Variants in DPYD observed in about 807,000 individuals in gnomAD.
DPYD encodes dihydropyrimidine dehydrogenase.
A neutral mutation model predicts 116.2 loss-of-function variants in DPYD; 109 were observed. The observed-to-expected ratio is 0.94, with a 90% CI of 0.80 to 1.10. The LOEUF (loss-of-function observed/expected upper bound fraction) is 1.10. Among genes scored for constraint, DPYD ranks in the 50% least tolerant of loss-of-function variants. The pLI is 0.00. For synonymous variants in DPYD, 440 were observed against 432.0 expected (o/e 1.02, Z -0.23); for missense variants, 1,302 against 1,254.5 (o/e 1.04, Z -0.57).
rs200458601 is a variant in DPYD, at chr1:97,455,926, T to TC, written c.1741-5704dup. The stretch of plus-strand genomic sequence containing the variant: ...AGTGACAGAATTTGCCCTTTTGTCA[T>TC]CAGGAACTTCAGACCTATCTACATG... On this transcript the variant is annotated intron_variant, in intron 13 of 22. Coordinates refer to ENST00000370192, the MANE Select transcript of DPYD (RefSeq NM_000110.4). 4.3e-3 allele frequency among the ~76,000 whole-genome samples: 648 copies of TC among 152,024 alleles called. 7 individuals are homozygous for TC. The highest frequency in any genetic ancestry group is 0.015 in the African/African-American group (631 of 41,528).
intron 7 of DPYD, among the ~76,000 whole-genome samples, chr1:97,689,462 T>C (rs534970424): frequency 1.3e-5 from 2 of 152,054 alleles, no homozygotes; most frequent in East Asian, 3.9e-4. Context: ...GTTGAGTAAA[T>C]GAAATAAACC....
At chr1:97,834,308 A>G (rs1035365422) in intron 2 of DPYD, among the ~76,000 whole-genome samples, 1 of 152,024 alleles carries the variant, frequency 6.6e-6, no homozygotes, top group Non-Finnish European at 1.5e-5. Flanking sequence ...TTAGAACATA[A>G]TGGGTGCTAG....
intron 16 of DPYD, among the ~76,000 whole-genome samples, chr1:97,362,114 T>C (rs937678503): frequency 3.1e-4 from 47 of 152,212 alleles, no homozygotes; most frequent in Admixed American, 2.9e-3. Flanking sequence ...AGTCTCAGGA[T>C]ACAAAATCAA....
At position 97,303,478 on chromosome 1, in the gene DPYD, ATTAT is replaced by A. The variant is rs1666980494; in HGVS notation, c.2299+1777_2299+1780del. Among the ~76,000 whole-genome samples, 3 of 152,116 alleles carry A rather than the reference ATTAT, an allele frequency of 2.0e-5. No homozygotes were observed. In the South Asian group the frequency reaches 6.2e-4, roughly 32 times the overall value. On this transcript the variant is annotated intron_variant, in intron 18 of 22. Transcript: ENST00000370192. Reference sequence around the variant, plus strand: ...AACTCTCGTAAAATTTGAAACCATTATTATTTAACACAATTTTGCTAGGCTAAGT... The same window carrying A: ...AACTCTCGTAAAATTTGAAACCATTATTAACACAATTTTGCTAGGCTAAGT...
intron 16 of DPYD, among the ~76,000 whole-genome samples, chr1:97,307,214 T>C (rs1667226358): frequency 6.6e-6 from 1 of 152,006 alleles, no homozygotes; most frequent in South Asian, 2.1e-4. Context: ...CTTTGATAAA[T>C]TACCTTAAAG....
intron 21 of DPYD, among the ~76,000 whole-genome samples, chr1:97,096,862 C>A (rs1650289217): frequency 6.6e-6 from 1 of 152,156 alleles, no homozygotes; most frequent in African/African-American, 2.4e-5. Context: ...CGGAATAAAT[C>A]TTGCTGCTGC....
intron 18 of DPYD, among the ~76,000 whole-genome samples, chr1:97,235,713 G>C (rs1661872098): frequency 6.6e-6 from 1 of 152,098 alleles, no homozygotes; most frequent in Admixed American, 6.6e-5. Flanking sequence ...ATACAGCTAT[G>C]TTATGTTTCT....
intron 8 of DPYD, among the ~76,000 whole-genome samples, chr1:97,607,229 G>A (rs1655652471): frequency 1.3e-5 from 2 of 151,806 alleles, no homozygotes; most frequent in Admixed American, 1.3e-4. Flanking sequence ...CATAGGATTT[G>A]GTCCCTTGTG....
Position 97,705,834 on chromosome 1 carries a change from T to C in DPYD, c.484-6287A>G, listed in dbSNP as rs1379502440. The stretch of plus-strand genomic sequence containing the variant: ...TTTTAATGATCGCCATTCTAACTGG[T>C]GTGAGATGGTATCTCATTGTGGTTT... On this transcript the variant is annotated intron_variant, in intron 5 of 22. Coordinates refer to ENST00000370192, the MANE Select transcript of DPYD (RefSeq NM_000110.4). Among the ~76,000 whole-genome samples, 11 of 152,026 alleles carry C rather than the reference T, an allele frequency of 7.2e-5. No homozygotes were observed. The South Asian group carries it at 2.3e-3, about 32-fold the overall frequency.
In DPYD at chr1:97,595,142, G is replaced by T; in HGVS notation, c.875C>A (p.Ala292Asp). 4 of 1,613,520 alleles carry T rather than the reference G, an allele frequency of 2.5e-6. No individual in the cohort carries two copies. The highest frequency in any genetic ancestry group is 3.4e-6 in the Non-Finnish European group (4 of 1,179,562). ...GIGLPEPNKD[A>D]IFQGLTQDQG... The stretch of plus-strand genomic sequence containing the variant: ...GTCCTGCGTCAGGCCTTGGAAGATG[G>T]CATCTTTATTGGGTTCTGGCAAACC... The change falls in exon 9 of 23, where the codon GCC (alanine) becomes GAC (aspartate). Residue 292 changes from alanine to aspartate, a missense_variant. Physicochemically the swap from Ala to Asp is moderately radical, Grantham distance 126 (BLOSUM62 -2). Transcript: ENST00000370192.
chr1:97,192,103 T>C (rs546708037), intron 20 of DPYD, among the ~76,000 whole-genome samples: 1 of 152,046 alleles, frequency 6.6e-6, no homozygotes, highest in Admixed American at 6.6e-5. Flanking sequence ...CACATTACTC[T>C]TGAAGAAGGG....
intron 16 of DPYD, among the ~76,000 whole-genome samples, chr1:97,358,242 C>A (rs866988781): frequency 5.9e-5 from 9 of 152,300 alleles, no homozygotes; most frequent in African/African-American, 2.2e-4. Context: ...AGCAGCCTGG[C>A]AGGTGGAGGG....
chr1:97,713,361 C>T (rs568884071), intron 5 of DPYD, among the ~76,000 whole-genome samples: 59 of 151,954 alleles, frequency 3.9e-4, no homozygotes, highest in Non-Finnish European at 7.1e-4. Context: ...TTTAACCATG[C>T]GATTTCGTTA....
intron 19 of DPYD, among the ~76,000 whole-genome samples, chr1:97,199,210 T>A (rs965630109): frequency 1.3e-5 from 2 of 152,150 alleles, no homozygotes; most frequent in African/African-American, 4.8e-5. Flanking sequence ...GCTGACTTAG[T>A]CAGGAGAGGG....
intron 14 of DPYD, among the ~76,000 whole-genome samples, chr1:97,408,026 A>C (rs940394152): frequency 2.0e-5 from 3 of 152,172 alleles, no homozygotes; most frequent in African/African-American, 7.2e-5. Context: ...AACGGAGATA[A>C]GGAAGATTAT....
chr1:97,883,789 G>A (rs1672344903), intron 1 of DPYD: 3 of 432,678 alleles, frequency 6.9e-6, no homozygotes, highest in Non-Finnish European at 8.8e-6. Flanking sequence ...TCCTCTTACA[G>A]GCCCCTAAAG....
intron 8 of DPYD, among the ~76,000 whole-genome samples, chr1:97,623,708 C>T (rs193207414): frequency 6.6e-6 from 1 of 151,846 alleles, no homozygotes; most frequent in African/African-American, 2.4e-5. Context: ...CTGGAGGTAT[C>T]ACATTACCTG....
intron 2 of DPYD, chr1:97,856,478 AG>A (rs1387800368): frequency 2.6e-5 from 4 of 152,260 alleles, no homozygotes; most frequent in Admixed American, 6.5e-5. Context: ...CTCAAATAAC[AG>A]GTTGACAGTT....
chr1:97,316,373 GC>G (rs1379687652), intron 16 of DPYD, among the ~76,000 whole-genome samples: 1 of 151,134 alleles, frequency 6.6e-6, no homozygotes, highest in Admixed American at 6.6e-5. Flanking sequence ...AAAAAACCAG[GC>G]ATGGTAACAC....
Sources: gnomAD v4.1 joint callset for allele counts (sites outside exome capture counted in the v4.1 genomes callset) on GRCh38, gnomAD v4.1.1 for gene constraint, MANE v1.5 for transcripts, NCBI Gene and HGNC (gene_info 2026-07-23, HGNC 2026-07-21) for gene names.